Variants in DNAH12 observed in about 807,000 individuals in gnomAD.
DNAH12 encodes the protein axonemal beta dynein heavy chain 12.
Under a neutral mutation model 371.5 loss-of-function variants are expected in DNAH12, and 285 were observed. The ratio of observed to expected loss-of-function variants is 0.77; its 90% CI spans 0.70 to 0.85. The LOEUF (loss-of-function observed/expected upper bound fraction) is 0.85, where lower values mean the gene tolerates loss of function less well. Ranked by LOEUF, DNAH12 falls within the 40% of genes least tolerant of loss-of-function variation. DNAH12 has a pLI of 0.00. For synonymous variants in DNAH12, 1,200 were observed against 1,213.0 expected (o/e 0.99, Z 0.22); for missense variants, 3,611 against 3,689.4 (o/e 0.98, Z 0.55).
rs776349706 is a variant in DNAH12, at chr3:57,510,918, T to A, written c.341A>T (p.Glu114Val). The change falls in exon 5 of 74, where the codon GAA becomes GTA. Residue 114 changes from glutamate (E) to valine (V), a missense_variant. This residue lies in a region of DNAH12 where 1,314 missense variants were observed against 1,398.7 expected (regional missense o/e 0.94). Coordinates refer to ENST00000495027, the MANE Select transcript of DNAH12 (RefSeq NM_001366028.2). Reference sequence around the variant, plus strand: ...CAGCCTTAACATGTGATCCAGCCATTCCTGCTGAATAGGTACTAAAGGACT... The same window carrying A: ...CAGCCTTAACATGTGATCCAGCCATACCTGCTGAATAGGTACTAAAGGACT... The part of the protein sequence containing the change: ...ESSPLVPIQQ[E>V]WLDHMLRLIP... 9.3e-6 allele frequency: 15 copies of A among 1,613,938 alleles called. No homozygotes were observed. Among genetic ancestry groups the A allele is most frequent in the African/African-American group, 1.3e-5 (1 of 74,946 alleles).
chr3:57,420,639 G>A (rs1157127809), intron 36 of DNAH12, among the ~76,000 whole-genome samples: 1 of 134,810 alleles, frequency 7.4e-6, no homozygotes, highest in Non-Finnish European at 1.6e-5. Context: ...GCCGGGCGCA[G>A]TGGCTCACGC....
In DNAH12 at chr3:57,446,015, AAATAAAT is replaced by A. The variant is rs1451240393; in HGVS notation, c.4179+9_4179+15del. ...ACATAAAATAAATAAATAAATAAAT[AAATAAAT>A]AATATTACCTTAAGATTGTCCGGCA... On this transcript the variant is annotated intron_variant, in intron 27 of 73. Transcript: ENST00000495027. 8 of 371,538 alleles carry A rather than the reference AAATAAAT, an allele frequency of 2.2e-5. No individual in the cohort carries two copies. Among genetic ancestry groups the A allele is most frequent in the African/African-American group, 1.4e-4 (6 of 42,742 alleles). The allele number at this position is 371,538 out of a possible 1,614,324, so 23.0% of individuals were successfully genotyped here.
chr3:57,425,733 G>A (rs10222636), intron 34 of DNAH12, among the ~76,000 whole-genome samples: 10,140 of 152,126 alleles, frequency 0.067, 1,139 homozygotes, highest in African/African-American at 0.23. Context: ...ACTAGCTACT[G>A]CAAGAGAATA....
intron 66 of DNAH12, among the ~76,000 whole-genome samples, chr3:57,312,554 C>T (rs1016510590): frequency 6.6e-6 from 1 of 152,158 alleles, no homozygotes; most frequent in South Asian, 2.1e-4. Context: ...ATCATCTTTC[C>T]AGTTTCTGAA....
At chr3:57,332,108 A>G (rs1228649836) in intron 62 of DNAH12, among the ~76,000 whole-genome samples, 1 of 152,222 alleles carries the variant, frequency 6.6e-6, no homozygotes, top group Non-Finnish European at 1.5e-5. Context: ...TCTTGAACAA[A>G]GTCTTCCTTA....
intron 50 of DNAH12, among the ~76,000 whole-genome samples, 193 bp downstream of exon 50, chr3:57,382,069 G>C (rs1355717195): frequency 6.6e-6 from 1 of 152,006 alleles, no homozygotes; most frequent in African/African-American, 2.4e-5. Context: ...GGTTTCACCA[G>C]GTTAGCCAGA....
chr3:57,457,757 G>T lies in DNAH12; in HGVS notation c.3300C>A (p.Leu1100=). Residue 1100 remains leucine, a synonymous_variant, in exon 22 of 74, where the codon CTC becomes CTA. Transcript: ENST00000495027. ...CAGCGATCACATCGTGAACACTCCG[G>T]AGCATTAGGTCTTCCACTTGAATGA... ...KWLIQVEDLM[L]RSVHDVIAAA... 1 of 1,551,494 alleles carries T rather than the reference G, an allele frequency of 6.4e-7. No individual in the cohort carries two copies. Among genetic ancestry groups the T allele is most frequent in the Non-Finnish European group, 8.7e-7 (1 of 1,146,956 alleles).
chr3:57,298,746 C>G (rs1475574857), intron 70 of DNAH12, among the ~76,000 whole-genome samples: 4 of 152,176 alleles, frequency 2.6e-5, no homozygotes, highest in Admixed American at 6.5e-5. Flanking sequence ...TAAGAACTCT[C>G]TCCCTTCTTT....
intron 49 of DNAH12, 121 bp from the exon 50 acceptor site, chr3:57,382,514 G>GTTTTTTTTTTTTT (rs36129650): frequency 6.7e-6 from 1 of 148,744 alleles, no homozygotes. Flanking sequence ...TGAAATCAAA[G>GTTTTTTTTTTTTT]TTTTTTTTTT....
Position 57,428,806 on chromosome 3 carries a change from G to C in DNAH12, c.5080C>G (p.Arg1694Gly). ...LSQASPATVS[R>G]CGMIYLEPSQ... Reference sequence around the variant, plus strand: ...GGCTCCAAATAAATCATACCACAACGACTTACAGTGGCAGGCTAGAGAAAA... The same window carrying C: ...GGCTCCAAATAAATCATACCACAACCACTTACAGTGGCAGGCTAGAGAAAA... The change falls in exon 34 of 74, where the codon CGT becomes GGT. Residue 1694 changes from arginine to glycine, a missense_variant. Arg to Gly is a moderately radical substitution (Grantham distance 125). Around this residue, in one of 3 missense-constraint regions of DNAH12, gnomAD observed 2,266 missense variants for 2,236.9 expected, o/e 1.01. Coordinates refer to ENST00000495027, the MANE Select transcript of DNAH12 (RefSeq NM_001366028.2). 6.5e-7 allele frequency: 1 copy of C among 1,530,954 alleles called. No individual in the cohort carries two copies. 94.8% of individuals were successfully genotyped at this position (1,530,954 alleles called of 1,614,324 possible).
chr3:57,458,227 G>A lies in DNAH12; in HGVS notation c.2932-7C>T, dbSNP rs1412336991. On this transcript the variant is annotated splice_polypyrimidine_tract_variant and splice_region_variant and intron_variant, in intron 20 of 73. Coordinates refer to ENST00000495027, the MANE Select transcript of DNAH12 (RefSeq NM_001366028.2). ...AAGAAGTGGCAGCAAGAACCTAAAC[G>A]AGACACATGCATTCAAGTCAGCACT... 5.2e-6 allele frequency: 8 copies of A among 1,539,820 alleles called. No individual in the cohort carries two copies. Among genetic ancestry groups the A allele is most frequent in the South Asian group, 1.2e-5 (1 of 80,962 alleles).
In DNAH12 at chr3:57,446,192, CT is replaced by C. The variant is rs1177374779; in HGVS notation, c.4017del (p.Val1340TrpfsTer2). The C allele has an allele frequency of 6.4e-7, 1 of 1,551,748 alleles. No individual in the cohort carries two copies. Among genetic ancestry groups the C allele is most frequent in the African/African-American group, 1.4e-5 (1 of 73,132 alleles). Reference sequence around the variant, plus strand: ...ATGCAAAGGATCTGTTGAGCTACCACTGACAACACTTCCAACTCAATTCGAT... The same window carrying C: ...ATGCAAAGGATCTGTTGAGCTACCACGACAACACTTCCAACTCAATTCGAT... ...EFNRIELEVL[S>X]VVAQQILCIQ... On this transcript the variant is annotated frameshift_variant, in exon 27 of 74. Coordinates refer to ENST00000495027, the MANE Select transcript of DNAH12 (RefSeq NM_001366028.2). LOFTEE classifies it high-confidence loss of function.
chr3:57,472,758 C>A, intron 13 of DNAH12, 87 bp from the exon 14 acceptor site: 6 of 1,351,710 alleles, frequency 4.4e-6, no homozygotes, highest in Non-Finnish European at 6.0e-6. Flanking sequence ...ATCTCTAATA[C>A]CCTTTCAGAT....
Position 57,408,517 on chromosome 3 carries a change from T to C in DNAH12, c.6039A>G (p.Thr2013=). The change falls in exon 40 of 74, where the codon ACA becomes ACG. Residue 2013 remains threonine, a synonymous_variant. Transcript: ENST00000495027. ...DCGHWYDLKD[T]SKITLVDIEL... is the part of the protein sequence containing the mutation. Reference sequence around the variant, plus strand: ...CTATGTCCACCAGCGTGATTTTACTTGTGTCCTTAAGGTCGTACCTTAGAA... The same window carrying C: ...CTATGTCCACCAGCGTGATTTTACTCGTGTCCTTAAGGTCGTACCTTAGAA... The C allele has an allele frequency of 1.3e-6, 2 of 1,548,360 alleles. No homozygotes were observed. Among genetic ancestry groups the C allele is most frequent in the Non-Finnish European group, 1.7e-6 (2 of 1,145,532 alleles).
intron 69 of DNAH12, among the ~76,000 whole-genome samples, chr3:57,303,542 G>A (rs1041883799): frequency 1.3e-5 from 2 of 151,584 alleles, no homozygotes; most frequent in African/African-American, 4.8e-5. Flanking sequence ...CTCCCAAGTA[G>A]CTGAGACTAC....
At chr3:57,362,786 A>C (rs2062965012) in intron 58 of DNAH12, among the ~76,000 whole-genome samples, 1 of 152,182 alleles carries the variant, frequency 6.6e-6, no homozygotes, top group African/African-American at 2.4e-5. Context: ...CCAGATGGGT[A>C]GATTGTAAAA....
chr3:57,390,603 T>TCAATG (rs1207339162), intron 45 of DNAH12, among the ~76,000 whole-genome samples: 20 of 149,640 alleles, frequency 1.3e-4, no homozygotes, highest in Admixed American at 3.4e-4. Context: ...TTATCCAGGG[T>TCAATG]CAATGCACAG....
chr3:57,502,636 G>C (rs1325324570), intron 9 of DNAH12, among the ~76,000 whole-genome samples, 157 bp from the exon 10 acceptor site: 3 of 151,702 alleles, frequency 2.0e-5, no homozygotes, highest in Admixed American at 1.3e-4. Context: ...TGCAACCTCC[G>C]CCTCCCAGGT....
chr3:57,499,774 G>T (rs1163559961), intron 11 of DNAH12, among the ~76,000 whole-genome samples: 12 of 146,584 alleles, frequency 8.2e-5, no homozygotes, highest in Admixed American at 6.8e-4. Flanking sequence ...GGAGGTTAAG[G>T]CTGTAGTGAG....
Sources: gnomAD v4.1 joint callset for allele counts (sites outside exome capture counted in the v4.1 genomes callset) on GRCh38, gnomAD v4.1.1 for gene constraint, gnomAD v4.1.1 regional missense constraint, MANE v1.5 for transcripts, NCBI Gene and HGNC (gene_info 2026-07-23, HGNC 2026-07-21) for gene names.